The following TGFBR3 variants were observed in gnomAD, a reference collection of about 807,000 sequenced individuals.
TGFBR3 encodes the protein transforming growth factor beta receptor type 3.
In TGFBR3, 46 loss-of-function variants were observed where a neutral mutation model predicts 87.9. That is an observed-to-expected ratio of 0.52 (90% CI 0.41 to 0.67). The LOEUF (loss-of-function observed/expected upper bound fraction) is 0.67, where lower values mean the gene tolerates loss of function less well. Among genes scored for constraint, TGFBR3 ranks in the 30% least tolerant of loss-of-function variants. The pLI is 0.00. For missense variants in TGFBR3, 866 were observed against 1,041.9 expected (o/e 0.83, Z 2.32); for synonymous variants, 381 against 391.6 (o/e 0.97, Z 0.32).
intron 2 of TGFBR3, among the ~76,000 whole-genome samples, chr1:91,825,305 TA>T (rs1357334472): frequency 3.9e-5 from 6 of 152,164 alleles, no homozygotes; most frequent in African/African-American, 1.4e-4. Flanking sequence ...TACTTGGCCA[TA>T]AAAAGGAATG....
At chr1:91,830,220 T>C (rs948539201) in intron 2 of TGFBR3, among the ~76,000 whole-genome samples, 1 of 152,236 alleles carries the variant, frequency 6.6e-6, no homozygotes, top group Admixed American at 6.5e-5. Flanking sequence ...TTTGCCTCTG[T>C]CTTTCTCTGG....
In TGFBR3 at chr1:91,821,328, C is replaced by CAAAAAAAAAAAAAAAAAAAAAAAA. The variant is rs35313779; in HGVS notation, c.62-23881_62-23858dup. Among the ~76,000 whole-genome samples, 2 of 77,590 alleles carry CAAAAAAAAAAAAAAAAAAAAAAAA rather than the reference C, an allele frequency of 2.6e-5. 1 individual carries two copies. The allele number at this position is 77,590 out of a possible 152,430, so 50.9% of individuals were successfully genotyped here. A position where few individuals can be genotyped will look rare whatever the true frequency, so the allele number is the denominator to read the frequency against. On this transcript the variant is annotated intron_variant, in intron 2 of 16. Transcript: ENST00000212355. ...CTGGGTGACAGAGATAAGACTGTCT[C>CAAAAAAAAAAAAAAAAAAAAAAAA]AAAAAAAAAAAAAAAAAAAAAAAAG...
chr1:91,795,296 C>T (rs1033481169), intron 3 of TGFBR3, among the ~76,000 whole-genome samples: 1 of 152,168 alleles, frequency 6.6e-6, no homozygotes, highest in Non-Finnish European at 1.5e-5. Context: ...ATACTAATAT[C>T]GAAAGAGAAT....
intron 8 of TGFBR3, among the ~76,000 whole-genome samples, chr1:91,721,687 G>A (rs574347671): frequency 2.6e-5 from 4 of 152,106 alleles, no homozygotes; most frequent in African/African-American, 9.6e-5. Context: ...TAGGTGTCTC[G>A]GAGAGAAGAA....
intron 3 of TGFBR3, among the ~76,000 whole-genome samples, chr1:91,760,454 C>A (rs923345608): frequency 1.3e-5 from 2 of 151,940 alleles, no homozygotes; most frequent in South Asian, 2.1e-4. Flanking sequence ...AACATAGACA[C>A]GATAATACAC....
In TGFBR3 at chr1:91,681,395, C is replaced by CCT. The variant is rs751440711; in HGVS notation, c.*2342_*2343dup. The stretch of plus-strand genomic sequence containing the variant: ...CAAACAAATAAAAGGTGATTTTTTT[C>CCT]CTCTCTCTCTCTTTTAAAAAGATCT... On this transcript the variant is annotated 3_prime_UTR_variant, in exon 17 of 17. Transcript: ENST00000212355. 1.3e-5 allele frequency: 5 copies of CCT among 397,984 alleles called. No individual in the cohort carries two copies. Among genetic ancestry groups the CCT allele is most frequent in the East Asian group, 7.4e-5 (1 of 13,444 alleles). 24.7% of individuals were successfully genotyped at this position (397,984 alleles called of 1,614,324 possible). A position where few individuals can be genotyped will look rare whatever the true frequency, so the allele number is the denominator to read the frequency against.
intron 14 of TGFBR3, among the ~76,000 whole-genome samples, chr1:91,708,142 T>C (rs1451306925): frequency 6.6e-6 from 1 of 152,254 alleles, no homozygotes; most frequent in Non-Finnish European, 1.5e-5. Flanking sequence ...AATGTGATTG[T>C]GCAAAATTCT....
rs77778633 is a variant in TGFBR3 at position 91,755,410 on chromosome 1, T to C, written c.384+3203A>G. Among the ~76,000 whole-genome samples, 515 of 152,240 alleles carry C rather than the reference T, an allele frequency of 3.4e-3. 5 individuals are homozygous for C. Among genetic ancestry groups the C allele is most frequent in the African/African-American group, 0.012 (500 of 41,538 alleles). On this transcript the variant is annotated intron_variant, in intron 4 of 16. Transcript: ENST00000212355. Reference sequence around the variant, plus strand: ...ACGTGAATGAACAACAGATGTTCCATCGTCTCTTCCAGGCCAAGAAGAAAT... The same window carrying C: ...ACGTGAATGAACAACAGATGTTCCACCGTCTCTTCCAGGCCAAGAAGAAAT...
chr1:91,743,514 A>G (rs1673228201), intron 4 of TGFBR3, among the ~76,000 whole-genome samples: 1 of 152,180 alleles, frequency 6.6e-6, no homozygotes, highest in Non-Finnish European at 1.5e-5. Context: ...TGATTTTCCC[A>G]AACTCACTTT....
At chr1:91,763,634 T>G (rs536573750) in intron 3 of TGFBR3, among the ~76,000 whole-genome samples, 7 of 152,318 alleles carry the variant, frequency 4.6e-5, no homozygotes, top group African/African-American at 1.4e-4. Flanking sequence ...TAGTAGTAAC[T>G]GAAAACATCC....
At chr1:91,780,918 CACACACACACACACAG>C (rs1279512507) in intron 3 of TGFBR3, among the ~76,000 whole-genome samples, 2 of 151,130 alleles carry the variant, frequency 1.3e-5, no homozygotes, top group African/African-American at 2.4e-5. Flanking sequence ...CACACACACA[CACACACACACACACAG>C]AGATCTCATC....
chr1:91,723,382 G>A (rs190783293), intron 7 of TGFBR3, among the ~76,000 whole-genome samples: 1 of 151,334 alleles, frequency 6.6e-6, no homozygotes, highest in Admixed American at 6.6e-5. Flanking sequence ...TCAGGAGGCT[G>A]AGGTGGGAGG....
At chr1:91,710,635 A>G (rs868660932) in intron 13 of TGFBR3, among the ~76,000 whole-genome samples, 2 of 152,232 alleles carry the variant, frequency 1.3e-5, no homozygotes, top group African/African-American at 2.4e-5. Flanking sequence ...CAGCAAACAG[A>G]AAGACAGTGG....
chr1:91,700,949 A>T (rs1316911170), intron 14 of TGFBR3, among the ~76,000 whole-genome samples: 2 of 152,112 alleles, frequency 1.3e-5, no homozygotes, highest in Non-Finnish European at 2.9e-5. Context: ...TACAAGATGC[A>T]TCATGTAAGA....
intron 2 of TGFBR3, among the ~76,000 whole-genome samples, chr1:91,826,855 G>A (rs556584325): frequency 6.6e-6 from 1 of 151,288 alleles, no homozygotes; most frequent in Non-Finnish European, 1.5e-5. Context: ...ATTTCCTCCC[G>A]TCAGAGCCTA....
intron 2 of TGFBR3, among the ~76,000 whole-genome samples, chr1:91,852,249 GA>G (rs892771781): frequency 3.8e-4 from 55 of 145,040 alleles, no homozygotes; most frequent in Non-Finnish European, 4.4e-4. Context: ...CTGTCTCAGG[GA>G]AAAAAAAAAA....
intron 3 of TGFBR3, among the ~76,000 whole-genome samples, chr1:91,795,103 A>G (rs1675327894): frequency 6.6e-6 from 1 of 152,190 alleles, no homozygotes; most frequent in Admixed American, 6.5e-5. Context: ...TTGTATATGC[A>G]AACTACTCTG....
At chr1:91,720,381 A>C in intron 8 of TGFBR3, 151 bp from the exon 9 acceptor site, 2 of 818,372 alleles carry the variant, frequency 2.4e-6, no homozygotes, top group Non-Finnish European at 4.0e-6. Flanking sequence ...GAAGTCTAGA[A>C]GCCTGAATTC....
At chr1:91,821,861 T>C (rs1676463747) in intron 2 of TGFBR3, among the ~76,000 whole-genome samples, 1 of 152,238 alleles carries the variant, frequency 6.6e-6, no homozygotes, top group Non-Finnish European at 1.5e-5. Context: ...TATTAAATGG[T>C]CAATAAATGG....
Sources: gnomAD v4.1 joint callset for allele counts (sites outside exome capture counted in the v4.1 genomes callset) on GRCh38, gnomAD v4.1.1 for gene constraint, MANE v1.5 for transcripts, NCBI Gene and HGNC (gene_info 2026-07-23, HGNC 2026-07-21) for gene names.